Variants in GATAD2B observed in about 807,000 individuals in gnomAD.
GATAD2B encodes the protein GATA zinc finger domain containing 2B.
GATAD2B carries 8 observed loss-of-function variants against 64.3 expected under a neutral mutation model. The observed-to-expected ratio is 0.12, with a 90% CI of 0.07 to 0.22. The LOEUF is 0.22. GATAD2B is among the 10% of genes least tolerant of loss of function. The probability of loss-of-function intolerance (pLI) is 1.00; values close to 1 mark genes in which losing one functional copy is unlikely to be tolerated. For synonymous variants in GATAD2B, 281 were observed against 271.3 expected, an observed-to-expected ratio of 1.04 and a Z score of -0.35; for missense variants, 453 against 752.0, an observed-to-expected ratio of 0.60 and a Z score of 4.65.
chr1:153,916,236 G>A (rs1295521446), intron 1 of GATAD2B, among the ~76,000 whole-genome samples: 1 of 148,606 alleles, frequency 6.7e-6, no homozygotes, highest in Admixed American at 6.8e-5. Flanking sequence ...AGCTAAGATT[G>A]CACCACTGCA....
At chr1:153,826,960 A>T (rs1039611666) in intron 2 of GATAD2B, among the ~76,000 whole-genome samples, 35 of 151,044 alleles carry the variant, frequency 2.3e-4, no homozygotes, top group Non-Finnish European at 4.4e-4. Flanking sequence ...AAAAAAAAAA[A>T]AACTGGCTGG....
At chr1:153,907,015 G>A (rs1353714661) in intron 1 of GATAD2B, among the ~76,000 whole-genome samples, 12 of 152,200 alleles carry the variant, frequency 7.9e-5, no homozygotes, top group Admixed American at 5.9e-4. Context: ...TGTTGGCAGG[G>A]ACGTGGAGGG....
At chr1:153,818,002 G>T in intron 5 of GATAD2B, 38 bp downstream of exon 5, 1 of 1,534,664 alleles carries the variant, frequency 6.5e-7, no homozygotes, top group East Asian at 2.4e-5. Context: ...GATTAGACAC[G>T]GCCCTCCAAC....
chr1:153,913,917 C>CAA (rs529962637), intron 1 of GATAD2B, among the ~76,000 whole-genome samples: 84 of 100,108 alleles, frequency 8.4e-4, no homozygotes, highest in Admixed American at 2.0e-3. Flanking sequence ...AAGACTCTGT[C>CAA]AAAAAAAAAA....
chr1:153,810,378 C>CAGA, intron 10 of GATAD2B, 68 bp from the exon 11 acceptor site: 1 of 1,515,672 alleles, frequency 6.6e-7, no homozygotes, highest in Non-Finnish European at 9.1e-7. Context: ...TCCACTCTAC[C>CAGA]CTCGGGCTGC....
At chr1:153,888,682 C>G (rs1677259494) in intron 1 of GATAD2B, among the ~76,000 whole-genome samples, 1 of 152,156 alleles carries the variant, frequency 6.6e-6, no homozygotes, top group Non-Finnish European at 1.5e-5. Context: ...TTAGTAGTCA[C>G]GTTTATCTCT....
chr1:153,814,788 C>T (rs1471910869), intron 7 of GATAD2B, among the ~76,000 whole-genome samples: 2 of 151,710 alleles, frequency 1.3e-5, no homozygotes, highest in East Asian at 1.9e-4. Context: ...CCAGCCTGAC[C>T]AACATTGTGA....
intron 7 of GATAD2B, 45 bp from the exon 8 acceptor site, chr1:153,813,497 C>T (rs1570924037): frequency 7.8e-7 from 1 of 1,286,220 alleles, no homozygotes; most frequent in Non-Finnish European, 1.1e-6. Flanking sequence ...TTTCCTATCT[C>T]CTCTGTTTCT....
intron 1 of GATAD2B, among the ~76,000 whole-genome samples, chr1:153,843,480 G>A (rs1182097964): frequency 6.6e-6 from 1 of 151,872 alleles, no homozygotes; most frequent in African/African-American, 2.4e-5. Flanking sequence ...TTGTCATGTT[G>A]CCCAGGTTAG....
intron 8 of GATAD2B, 37 bp from the exon 9 acceptor site, chr1:153,812,169 C>T: frequency 1.9e-6 from 2 of 1,036,258 alleles, no homozygotes; most frequent in South Asian, 2.7e-5. Flanking sequence ...TTGAGCAGGA[C>T]AGCACCCAAT....
intron 10 of GATAD2B, among the ~76,000 whole-genome samples, chr1:153,810,619 C>T (rs1316464982): frequency 6.6e-6 from 1 of 151,876 alleles, no homozygotes; most frequent in Non-Finnish European, 1.5e-5. Context: ...TACTGCCCGG[C>T]TATTTTTTGT....
Position 153,844,327 on chromosome 1 carries a change from G to A in GATAD2B, c.-1-15979C>T, listed in dbSNP as rs182297453. Among the ~76,000 whole-genome samples the A allele has an allele frequency of 7.2e-5, 11 of 151,790 alleles. No homozygotes were observed. The East Asian group carries it at 1.5e-3, about 21-fold the overall frequency. ...AGAAAAACTCAATTTATGGGGTATC[G>A]GGTAGAGTGCACAGGAAAGTCCTAC... On this transcript the variant is annotated intron_variant, in intron 1 of 10. Coordinates refer to ENST00000368655, the MANE Select transcript of GATAD2B (RefSeq NM_020699.4).
chr1:153,817,684 T>G (rs1452031729), intron 5 of GATAD2B, 142 bp from the exon 6 acceptor site: 1 of 593,408 alleles, frequency 1.7e-6, no homozygotes, highest in African/African-American at 1.9e-5. Flanking sequence ...GTAATTTCAT[T>G]TAATGGTCTA....
chr1:153,829,733 C>T (rs1252594475), intron 1 of GATAD2B, among the ~76,000 whole-genome samples: 1 of 152,226 alleles, frequency 6.6e-6, no homozygotes, highest in African/African-American at 2.4e-5. Context: ...GAGACTCCAT[C>T]TCAAAGAATC....
intron 1 of GATAD2B, among the ~76,000 whole-genome samples, chr1:153,830,397 C>T (rs566273839): frequency 2.0e-5 from 3 of 152,170 alleles, no homozygotes; most frequent in South Asian, 4.1e-4. Context: ...CTGTCTGCCT[C>T]GGCCTCCTGA....
At chr1:153,869,757 T>C (rs1000517658) in intron 1 of GATAD2B, among the ~76,000 whole-genome samples, 3 of 152,198 alleles carry the variant, frequency 2.0e-5, no homozygotes, top group Non-Finnish European at 2.9e-5. Flanking sequence ...AATGCATGCA[T>C]ACACACGTAA....
chr1:153,812,009 A>T lies in GATAD2B; in HGVS notation c.1530+13T>A. 1 of 1,533,610 alleles carries T rather than the reference A, an allele frequency of 6.5e-7. No homozygotes were observed. Among genetic ancestry groups the T allele is most frequent in the Non-Finnish European group, 9.0e-7 (1 of 1,108,152 alleles). ...CTTCTAAAGAAATCAGGATCAGGCA[A>T]AAAGTTCCTTACCTGCCGAAGCGTA... On this transcript the variant is annotated intron_variant, in intron 9 of 10. Transcript: ENST00000368655.
chr1:153,856,340 A>G (rs946393546), intron 1 of GATAD2B, among the ~76,000 whole-genome samples: 1 of 152,188 alleles, frequency 6.6e-6, no homozygotes, highest in Non-Finnish European at 1.5e-5. Context: ...TACCACAGCA[A>G]TCTTAAGTAT....
intron 1 of GATAD2B, among the ~76,000 whole-genome samples, chr1:153,872,241 C>T (rs1447300832): frequency 1.3e-5 from 2 of 150,566 alleles, no homozygotes; most frequent in African/African-American, 4.9e-5. Flanking sequence ...ATCACTTGAA[C>T]CCGGGAGGCA....
Sources: allele counts gnomAD v4.1 joint callset (sites outside exome capture counted in the v4.1 genomes callset), GRCh38; gene constraint gnomAD v4.1.1; transcripts MANE v1.5; gene names NCBI Gene and HGNC (gene_info 2026-07-23, HGNC 2026-07-21).